The following AGBL1 variants were observed in gnomAD, a reference collection of about 807,000 sequenced individuals.
AGBL1 encodes cytosolic carboxypeptidase 4.
AGBL1 carries 130 observed loss-of-function variants against 118.9 expected under a neutral mutation model. That is an observed-to-expected ratio of 1.09 (90% CI 0.95 to 1.26). The LOEUF (loss-of-function observed/expected upper bound fraction) is 1.26, where lower values mean the gene tolerates loss of function less well. Among genes scored for constraint, AGBL1 ranks in the 50% most tolerant of loss-of-function variants. The probability of loss-of-function intolerance (pLI) is 0.00; values close to 1 mark genes in which losing one functional copy is unlikely to be tolerated. For synonymous variants in AGBL1, 555 were observed against 478.9 expected (o/e 1.16, Z -2.08); for missense variants, 1,584 against 1,298.1 (o/e 1.22, Z -3.38).
chr15:86,098,504 G>A (rs1330079894), intron 1 of AGBL1, among the ~76,000 whole-genome samples: 1 of 152,092 alleles, frequency 6.6e-6, no homozygotes, highest in Non-Finnish European at 1.5e-5. Flanking sequence ...CTGAGAGATA[G>A]GGGTCCATTT....
intron 17 of AGBL1, among the ~76,000 whole-genome samples, chr15:86,355,058 G>A (rs2080691573): frequency 6.6e-6 from 1 of 152,180 alleles, no homozygotes; most frequent in Admixed American, 6.5e-5. Context: ...TAAGGCCAAA[G>A]AAGATTCTCC....
intron 22 of AGBL1, among the ~76,000 whole-genome samples, chr15:86,904,806 G>C (rs2080260154): frequency 6.8e-6 from 1 of 147,868 alleles, no homozygotes; most frequent in South Asian, 2.1e-4. Flanking sequence ...TTCCACAAAA[G>C]ATGATTCAAA....
chr15:86,370,432 G>C (rs927768137), intron 17 of AGBL1, among the ~76,000 whole-genome samples: 3 of 151,610 alleles, frequency 2.0e-5, no homozygotes, highest in African/African-American at 7.3e-5. Context: ...AGCCTCCTGA[G>C]TAGCCGGGAT....
chr15:86,828,549 G>C (rs1239183030), intron 22 of AGBL1, among the ~76,000 whole-genome samples: 2 of 151,984 alleles, frequency 1.3e-5, no homozygotes, highest in African/African-American at 4.8e-5. Flanking sequence ...TAGAGGAAGG[G>C]GCTACAAGCT....
intron 7 of AGBL1, among the ~76,000 whole-genome samples, chr15:86,255,437 T>C (rs1462535030): frequency 2.0e-5 from 3 of 152,206 alleles, no homozygotes; most frequent in Non-Finnish European, 4.4e-5. Flanking sequence ...TGGCACACAC[T>C]GAAGGAGAGA....
At chr15:86,662,679 A>G (rs35591537) in intron 21 of AGBL1, among the ~76,000 whole-genome samples, 2,899 of 152,350 alleles carry the variant, frequency 0.019, 47 homozygotes, top group Non-Finnish European at 0.03. Flanking sequence ...GCTTAGTTAC[A>G]TGATTGATTT....
At chr15:86,352,597 G>T (rs563018085) in intron 17 of AGBL1, among the ~76,000 whole-genome samples, 2 of 151,934 alleles carry the variant, frequency 1.3e-5, no homozygotes, top group Admixed American at 1.3e-4. Context: ...TTCTCCTGCT[G>T]CAGTCTCCCG....
chr15:86,798,534 AATGAGCCACT>A (rs973001481), intron 22 of AGBL1, among the ~76,000 whole-genome samples: 1 of 152,004 alleles, frequency 6.6e-6, no homozygotes, highest in African/African-American at 2.4e-5. Flanking sequence ...TAACCTATTG[AATGAGCCACT>A]ATTCTATAAT....
At chr15:86,881,170 G>C (rs1377465773) in intron 22 of AGBL1, among the ~76,000 whole-genome samples, 1 of 152,140 alleles carries the variant, frequency 6.6e-6, no homozygotes, top group Non-Finnish European at 1.5e-5. Flanking sequence ...CTTGTTTTTT[G>C]AGCATTTGTT....
chr15:86,786,932 T>A lies in AGBL1; in HGVS notation c.3158+112496T>A, dbSNP rs2078420650. Among the ~76,000 whole-genome samples the A allele has an allele frequency of 2.6e-5, 4 of 152,194 alleles. No individual in the cohort carries two copies. The South Asian group carries it at 8.3e-4, about 32-fold the overall frequency. On this transcript the variant is annotated intron_variant, in intron 22 of 22. Transcript: ENST00000614907. Reference sequence around the variant, plus strand: ...CCAAAAGGTATGTTCATCTTCTGGATGTTGCCAAATTGGTCTGCAACTGGT... The same window carrying A: ...CCAAAAGGTATGTTCATCTTCTGGAAGTTGCCAAATTGGTCTGCAACTGGT...
intron 1 of AGBL1, among the ~76,000 whole-genome samples, chr15:86,095,455 A>C (rs942563610): frequency 5.3e-5 from 8 of 151,884 alleles, no homozygotes; most frequent in African/African-American, 1.9e-4. Context: ...ACAAAAAGAC[A>C]CTCTTAGCAC....
Position 86,270,012 on chromosome 15 carries a change from C to T in AGBL1, c.1932C>T (p.Ile644=). The T allele has an allele frequency of 1.9e-6, 3 of 1,613,510 alleles. No homozygotes were observed. The highest frequency in any genetic ancestry group is 1.7e-6 in the Non-Finnish European group (2 of 1,179,724). Reference sequence around the variant, plus strand: ...AAGTGAGCGGTATGCAGGCGGCCATCCCTTACCACTTCAACATCATCAACT... The same window carrying T: ...AAGTGAGCGGTATGCAGGCGGCCATTCCTTACCACTTCAACATCATCAACT... The part of the protein sequence containing the change: ...YFKVSGMQAA[I]PYHFNIINCE... The change falls in exon 14 of 23, where the codon ATC becomes ATT. Residue 644 remains isoleucine, a synonymous_variant. Coordinates refer to ENST00000614907, the MANE Select transcript of AGBL1 (RefSeq NM_001386094.1).
At chr15:86,958,206 T>TAAAAAAAA (rs545565434) in intron 23 of AGBL1, among the ~76,000 whole-genome samples, 1 of 125,192 alleles carries the variant, frequency 8.0e-6, no homozygotes, top group Non-Finnish European at 1.7e-5. Context: ...TCTTGTTTCT[T>TAAAAAAAA]AAAAAAAAAA....
At chr15:86,391,050 C>T (rs1240075074) in intron 17 of AGBL1, among the ~76,000 whole-genome samples, 2 of 149,968 alleles carry the variant, frequency 1.3e-5, no homozygotes, top group Middle Eastern at 3.6e-3. Flanking sequence ...CGGTGGTTGC[C>T]AGAGGCTAGG....
intron 16 of AGBL1, among the ~76,000 whole-genome samples, chr15:86,287,840 G>A (rs2079479092): frequency 1.3e-5 from 2 of 152,156 alleles, no homozygotes; most frequent in African/African-American, 4.8e-5. Flanking sequence ...TCTCTTGAGA[G>A]GTTTAGAGAA....
chr15:86,677,637 G>C lies in AGBL1; in HGVS notation c.3158+3201G>C, dbSNP rs184966663. ...GTCCCTCACTTAATAACAAGAGAAA[G>C]CTAAAGCTCAGAGCTTCAGAGCTGT... On this transcript the variant is annotated intron_variant, in intron 22 of 22. Transcript: ENST00000614907. Among the ~76,000 whole-genome samples the C allele has an allele frequency of 6.8e-4, 104 of 152,216 alleles. 1 individual carries two copies. Among genetic ancestry groups the C allele is most frequent in the African/African-American group, 2.5e-3 (102 of 41,528 alleles).
intron 1 of AGBL1, among the ~76,000 whole-genome samples, chr15:86,127,360 A>G (rs1456823403): frequency 6.6e-6 from 1 of 152,250 alleles, no homozygotes; most frequent in African/African-American, 2.4e-5. Flanking sequence ...ATCAGAGTCA[A>G]TCTTTTATAA....
At chr15:86,451,210 A>G (rs2082188483) in intron 18 of AGBL1, among the ~76,000 whole-genome samples, 1 of 152,274 alleles carries the variant, frequency 6.6e-6, no homozygotes, top group East Asian at 1.9e-4. Context: ...TGACTTTCTC[A>G]GTACTTCTTG....
At chr15:86,621,454 G>C (rs889833933) in intron 21 of AGBL1, among the ~76,000 whole-genome samples, 4 of 152,218 alleles carry the variant, frequency 2.6e-5, no homozygotes, top group Non-Finnish European at 5.9e-5. Flanking sequence ...GCTTCTGGTA[G>C]TTGCCAGCAA....
Sources: allele counts gnomAD v4.1 joint callset (sites outside exome capture counted in the v4.1 genomes callset), GRCh38; gene constraint gnomAD v4.1.1; transcripts MANE v1.5; gene names NCBI Gene and HGNC (gene_info 2026-07-23, HGNC 2026-07-21).